CTDSPL2: variants seen among roughly 807,000 people sequenced by gnomAD.
CTDSPL2 encodes the protein CTD small phosphatase like 2.
CTDSPL2 carries 5 observed loss-of-function variants against 60.0 expected under a neutral mutation model. That is an observed-to-expected ratio of 0.08 (90% confidence interval 0.04 to 0.18). The LOEUF (loss-of-function observed/expected upper bound fraction) is 0.18, where lower values mean the gene tolerates loss of function less well. CTDSPL2 is among the 10% of genes least tolerant of loss of function. CTDSPL2 has a pLI of 1.00. For missense variants in CTDSPL2, 370 were observed against 548.8 expected (o/e 0.67, Z 3.26); for synonymous variants, 186 against 189.3 (o/e 0.98, Z 0.14).
At chr15:44,446,913 C>T (rs1202151221) in intron 1 of CTDSPL2, among the ~76,000 whole-genome samples, 2 of 151,720 alleles carry the variant, frequency 1.3e-5, no homozygotes, top group African/African-American at 4.8e-5. Context: ...TGCCACTATG[C>T]CCAGCTAATT....
intron 8 of CTDSPL2, among the ~76,000 whole-genome samples, chr15:44,512,445 C>T (rs1158906206): frequency 6.6e-6 from 1 of 152,198 alleles, no homozygotes; most frequent in African/African-American, 2.4e-5. Flanking sequence ...AGTTTATCAT[C>T]TACCTTGAGA....
chr15:44,440,582 G>A (rs906959191), intron 1 of CTDSPL2, among the ~76,000 whole-genome samples: 4 of 152,004 alleles, frequency 2.6e-5, no homozygotes, highest in Non-Finnish European at 4.4e-5. Flanking sequence ...ATGGTTATTT[G>A]CGTCTTTTTT....
At chr15:44,473,815 C>G (rs949775388) in intron 2 of CTDSPL2, among the ~76,000 whole-genome samples, 7 of 152,158 alleles carry the variant, frequency 4.6e-5, no homozygotes, top group African/African-American at 1.4e-4. Context: ...AAGCAGTTTC[C>G]CTTGCTCACA....
intron 12 of CTDSPL2, among the ~76,000 whole-genome samples, chr15:44,522,995 T>G (rs916953259): frequency 9.9e-5 from 15 of 152,072 alleles, no homozygotes; most frequent in East Asian, 1.9e-4. Flanking sequence ...TTAATCCCAC[T>G]GTTTTTTGTT....
intron 2 of CTDSPL2, among the ~76,000 whole-genome samples, chr15:44,459,434 G>A (rs538643918): frequency 3.3e-5 from 5 of 152,148 alleles, no homozygotes; most frequent in Non-Finnish European, 7.3e-5. Flanking sequence ...GGCTGAGGCA[G>A]GAGAATGGCT....
At chr15:44,508,705 G>A (rs904582765) in intron 8 of CTDSPL2, among the ~76,000 whole-genome samples, 6 of 152,204 alleles carry the variant, frequency 3.9e-5, no homozygotes, top group African/African-American at 9.6e-5. Context: ...GGTGGATCAC[G>A]AGGTCAGGAG....
At chr15:44,504,888 ATAAT>A (rs1445505044) in intron 8 of CTDSPL2, among the ~76,000 whole-genome samples, 2 of 152,126 alleles carry the variant, frequency 1.3e-5, no homozygotes, top group Admixed American at 6.5e-5. Context: ...CAATAATTCA[ATAAT>A]TAATTGTAGA....
intron 1 of CTDSPL2, chr15:44,448,239 G>A (rs1198636981): frequency 3.7e-5 from 11 of 296,718 alleles, no homozygotes; most frequent in African/African-American, 6.6e-5. Context: ...GCTCCAGGCC[G>A]GAGCCACTGC....
intron 2 of CTDSPL2, among the ~76,000 whole-genome samples, chr15:44,482,589 A>G (rs573820453): frequency 6.6e-6 from 1 of 152,188 alleles, no homozygotes; most frequent in African/African-American, 2.4e-5. Flanking sequence ...TGAAGATTCC[A>G]TGTTTGTGAT....
Position 44,524,170 on chromosome 15 carries a change from AT to A in CTDSPL2, c.1399del (p.Ter467LysfsTer9). The A allele has an allele frequency of 6.2e-7, 1 of 1,612,102 alleles. No individual in the cohort carries two copies. Among genetic ancestry groups the A allele is most frequent in the Non-Finnish European group, 8.5e-7 (1 of 1,178,254 alleles). ...RFRLHDLLPPD is the reference protein window; with the variant it reads ...RFRLHDLLPPX Reference sequence around the variant, plus strand: ...CGCTTGCATGATTTGCTGCCCCCAGATTAAGTACAAAGACTTGTCAAATCAC... The same window carrying A: ...CGCTTGCATGATTTGCTGCCCCCAGATAAGTACAAAGACTTGTCAAATCAC... On this transcript the variant is annotated frameshift_variant, in exon 13 of 13. Transcript: ENST00000260327. LOFTEE classifies it high-confidence loss of function.
At chr15:44,463,120 A>G (rs1376772880) in intron 2 of CTDSPL2, among the ~76,000 whole-genome samples, 1 of 152,106 alleles carries the variant, frequency 6.6e-6, no homozygotes, top group Non-Finnish European at 1.5e-5. Flanking sequence ...AGATCGGGCA[A>G]AAATCTGTTT....
At chr15:44,450,539 G>A (rs1317065272) in intron 1 of CTDSPL2, among the ~76,000 whole-genome samples, 4 of 147,422 alleles carry the variant, frequency 2.7e-5, no homozygotes, top group Admixed American at 6.8e-5. Context: ...ATAATGAAAC[G>A]TTTATCTGTA....
At chr15:44,457,192 C>T (rs1261464192) in intron 1 of CTDSPL2, among the ~76,000 whole-genome samples, 1 of 152,134 alleles carries the variant, frequency 6.6e-6, no homozygotes. Flanking sequence ...TGAAGCCAGG[C>T]ACTGACTTCT....
At chr15:44,463,367 C>T (rs192573085) in intron 2 of CTDSPL2, among the ~76,000 whole-genome samples, 3 of 152,182 alleles carry the variant, frequency 2.0e-5, no homozygotes, top group Non-Finnish European at 4.4e-5. Flanking sequence ...GTCTTGAACT[C>T]CTGACCTCAA....
intron 1 of CTDSPL2, among the ~76,000 whole-genome samples, chr15:44,450,589 ATTTTTT>A (rs36016079): frequency 1.1e-5 from 1 of 88,686 alleles, no homozygotes; most frequent in African/African-American, 4.8e-5. Flanking sequence ...TATATTCTTA[ATTTTTT>A]TTTTTTTTTT....
At chr15:44,478,798 A>G (rs1441650524) in intron 2 of CTDSPL2, among the ~76,000 whole-genome samples, 3 of 151,938 alleles carry the variant, frequency 2.0e-5, no homozygotes, top group African/African-American at 4.8e-5. Flanking sequence ...CCTGACCAAC[A>G]TGGTGAAACC....
At chr15:44,431,406 T>A (rs565945761) in intron 1 of CTDSPL2, among the ~76,000 whole-genome samples, 1 of 152,358 alleles carries the variant, frequency 6.6e-6, no homozygotes, top group South Asian at 2.1e-4. Context: ...ACATTAATTT[T>A]TTAATTTGAA....
chr15:44,494,659 C>G (rs539393649), intron 5 of CTDSPL2, among the ~76,000 whole-genome samples: 1 of 151,910 alleles, frequency 6.6e-6, no homozygotes, highest in African/African-American at 2.4e-5. Context: ...CCTGTAGTCC[C>G]TGCACTTTGC....
chr15:44,504,972 A>G (rs1474712620), intron 8 of CTDSPL2, among the ~76,000 whole-genome samples: 1 of 152,172 alleles, frequency 6.6e-6, no homozygotes, highest in Non-Finnish European at 1.5e-5. Flanking sequence ...ATGTTTAGTT[A>G]TTGGTACTAA....
Sources: gnomAD v4.1 joint callset for allele counts (sites outside exome capture counted in the v4.1 genomes callset) on GRCh38, gnomAD v4.1.1 for gene constraint, MANE v1.5 for transcripts, NCBI Gene and HGNC (gene_info 2026-07-23, HGNC 2026-07-21) for gene names.